PGR: variants seen among roughly 807,000 people sequenced by gnomAD.
The protein encoded by PGR is nuclear receptor subfamily 3 group C member 3.
Under a neutral mutation model 76.1 loss-of-function variants are expected in PGR, and 25 were observed. The observed-to-expected ratio is 0.33, with a 90% CI of 0.24 to 0.46. PGR has a LOEUF of 0.46. Ranked by LOEUF, PGR falls within the 20% of genes least tolerant of loss-of-function variation. The pLI, the probability that PGR is intolerant of heterozygous loss-of-function variation, is 1.00. For missense variants in PGR, 1,172 were observed against 1,225.3 expected (o/e 0.96, Z 0.65); for synonymous variants, 579 against 535.0 (o/e 1.08, Z -1.14).
chr11:101,085,161 T>C (rs1402644812), intron 3 of PGR, among the ~76,000 whole-genome samples: 1 of 152,142 alleles, frequency 6.6e-6, no homozygotes, highest in African/African-American at 2.4e-5. Context: ...ACAGAACATA[T>C]ACTCCAAGAT....
At chr11:101,060,903 C>T (rs1273932164) in intron 4 of PGR, among the ~76,000 whole-genome samples, 2 of 152,102 alleles carry the variant, frequency 1.3e-5, no homozygotes, top group Non-Finnish European at 2.9e-5. Context: ...TGATAGATAA[C>T]GGTTTCCGGT....
Position 101,091,808 on chromosome 11 carries a change from G to T in PGR, c.1858C>A (p.Pro620Thr). The T allele has an allele frequency of 6.2e-7, 1 of 1,611,164 alleles. No individual in the cohort carries two copies. The highest frequency in any genetic ancestry group is 8.5e-7 in the Non-Finnish European group (1 of 1,177,414). Residue 620 changes from proline (P) to threonine (T), a missense_variant, in exon 3 of 8, where the codon CCA becomes ACA. Transcript: ENST00000325455. ...CAGCACTTTCTAAGGCGACATGCTG[G>T]GCAGTTTTTTCTGCGGATTTTATCA... ...IVDKIRRKNCPACRLRKCCQA... is the reference protein window; with the variant it reads ...IVDKIRRKNCTACRLRKCCQA...
chr11:101,044,175 T>C (rs1859785585), intron 6 of PGR, among the ~76,000 whole-genome samples: 1 of 152,232 alleles, frequency 6.6e-6, no homozygotes, highest in African/African-American at 2.4e-5. Context: ...GCTACTTTCA[T>C]AAGTAGCGAT....
Position 101,129,060 on chromosome 11 carries a change from A to C in PGR, c.11T>G (p.Leu4Arg). The change falls in exon 1 of 8, where the codon CTG becomes CGG. Residue 4 changes from leucine (L) to arginine (R), a missense_variant. This residue lies in a region of PGR where 893 missense variants were observed against 785.9 expected (regional missense o/e 1.14). Coordinates refer to ENST00000325455, the MANE Select transcript of PGR (RefSeq NM_000926.4). ...GGGAGCCCGGGGACCCTTTGCCTTCAGCTCAGTCATGACGACTGGACTCCC... is the reference window on the plus strand; with the variant it reads ...GGGAGCCCGGGGACCCTTTGCCTTCCGCTCAGTCATGACGACTGGACTCCC... MTE[L>R]KAKGPRAPHV... The C allele has an allele frequency of 6.4e-7, 1 of 1,550,926 alleles. No homozygotes were observed. The highest frequency in any genetic ancestry group is 8.7e-7 in the Non-Finnish European group (1 of 1,147,892).
At chr11:101,111,460 A>G (rs374691034) in intron 2 of PGR, among the ~76,000 whole-genome samples, 2 of 152,148 alleles carry the variant, frequency 1.3e-5, no homozygotes, top group African/African-American at 4.8e-5. Flanking sequence ...CATTGCTTCT[A>G]GAGTTAATGT....
At position 101,128,659 on chromosome 11, in the gene PGR, T is replaced by C. The variant is rs764069958; in HGVS notation, c.412A>G (p.Ser138Gly). The change falls in exon 1 of 8, where the codon AGC becomes GGC. Residue 138 changes from serine (S) to glycine (G), a missense_variant. Around this residue, in one of 4 missense-constraint regions of PGR, gnomAD observed 893 missense variants for 785.9 expected, o/e 1.14. Transcript: ENST00000325455. ...TCGGGGCCAAACAGGCACCAAGAGC[T>C]GGTGACCTCGCAGGCGGGAGGGCTG... Reference protein sequence around the residue: ...QPSPPACEVTSSWCLFGPELP... With the variant: ...QPSPPACEVTGSWCLFGPELP... 2 of 1,594,702 alleles carry C rather than the reference T, an allele frequency of 1.3e-6. No homozygotes were observed. Among genetic ancestry groups the C allele is most frequent in the South Asian group, 2.3e-5 (2 of 88,664 alleles).
At chr11:101,094,533 G>C (rs1351379568) in intron 2 of PGR, among the ~76,000 whole-genome samples, 3 of 152,020 alleles carry the variant, frequency 2.0e-5, no homozygotes, top group African/African-American at 7.3e-5. Context: ...ACACTTTGTG[G>C]GTAGTCTGTC....
chr11:101,079,181 C>T (rs1020333451), intron 3 of PGR, among the ~76,000 whole-genome samples: 17 of 152,070 alleles, frequency 1.1e-4, no homozygotes, highest in African/African-American at 3.4e-4. Flanking sequence ...AAAACTACTA[C>T]AAGAAAACTT....
chr11:101,107,365 G>C (rs1862198591), intron 2 of PGR, among the ~76,000 whole-genome samples: 1 of 151,824 alleles, frequency 6.6e-6, no homozygotes, highest in Non-Finnish European at 1.5e-5. Flanking sequence ...AATCTCTCTG[G>C]AACTCTTCCA....
Position 101,031,232 on chromosome 11 carries a change from C to A in PGR, c.*7884G>T, listed in dbSNP as rs1433513939. On this transcript the variant is annotated 3_prime_UTR_variant, in exon 8 of 8. Transcript: ENST00000325455. The stretch of plus-strand genomic sequence containing the variant: ...CTGAAGCTGAAAGAATAGATAAATT[C>A]ACAAGCCAAAGACTTAAATATGAGA... 9.0e-6 allele frequency: 2 copies of A among 221,874 alleles called. No individual in the cohort carries two copies. The highest frequency in any genetic ancestry group is 1.8e-5 in the Non-Finnish European group (2 of 110,980). The allele number at this position is 221,874 out of a possible 1,614,324, so 13.7% of individuals were successfully genotyped here.
chr11:101,105,396 C>T (rs562970089), intron 2 of PGR, among the ~76,000 whole-genome samples: 1 of 151,782 alleles, frequency 6.6e-6, no homozygotes, highest in Non-Finnish European at 1.5e-5. Context: ...GTGGCTTAAA[C>T]CAAAGTGGTC....
At position 101,036,766 on chromosome 11, in the gene PGR, T is replaced by C. The variant is rs1430417933; in HGVS notation, c.*2350A>G. ...AAAAGCCAAACCTGTGGCCACCACA[T>C]TCTATTCCCTCATAGTTGAGTGAAA... On this transcript the variant is annotated 3_prime_UTR_variant, in exon 8 of 8. Transcript: ENST00000325455. 2 of 198,270 alleles carry C rather than the reference T, an allele frequency of 1.0e-5. No individual in the cohort carries two copies. Among genetic ancestry groups the C allele is most frequent in the Non-Finnish European group, 1.0e-5 (1 of 95,626 alleles). The allele number at this position is 198,270 out of a possible 1,614,324, so 12.3% of individuals were successfully genotyped here. A position where few individuals can be genotyped will look rare whatever the true frequency, so the allele number is the denominator to read the frequency against.
chr11:101,121,563 A>T (rs1862677261), intron 2 of PGR, among the ~76,000 whole-genome samples: 1 of 152,218 alleles, frequency 6.6e-6, no homozygotes, highest in Non-Finnish European at 1.5e-5. Context: ...TCTGCAGTCT[A>T]TTTATTGTGA....
chr11:101,091,664 A>G (rs1407832387), intron 3 of PGR, 96 bp downstream of exon 3: 14 of 776,330 alleles, frequency 1.8e-5, no homozygotes, highest in Admixed American at 1.6e-4. Context: ...CAGAAAAAAC[A>G]AAAACAAAGA....
chr11:101,078,724 C>T (rs190522771), intron 3 of PGR, among the ~76,000 whole-genome samples: 1 of 152,234 alleles, frequency 6.6e-6, no homozygotes, highest in Non-Finnish European at 1.5e-5. Flanking sequence ...GCCACGGAAG[C>T]AGATAAGAAC....
Position 101,033,577 on chromosome 11 carries a change from T to G in PGR, c.*5539A>C, listed in dbSNP as rs900607038. The G allele has an allele frequency of 5.1e-6, 1 of 195,678 alleles. No homozygotes were observed. The highest frequency in any genetic ancestry group is 1.1e-5 in the Non-Finnish European group (1 of 94,110). The allele number at this position is 195,678 out of a possible 1,614,324, so 12.1% of individuals were successfully genotyped here. A position where few individuals can be genotyped will look rare whatever the true frequency, so the allele number is the denominator to read the frequency against. On this transcript the variant is annotated 3_prime_UTR_variant, in exon 8 of 8. Coordinates refer to ENST00000325455, the MANE Select transcript of PGR (RefSeq NM_000926.4). Reference sequence around the variant, plus strand: ...TGGATATAATTGTTATTCATGCTGCTCAGCAGCTTTCATTGATATGTCTTT... The same window carrying G: ...TGGATATAATTGTTATTCATGCTGCGCAGCAGCTTTCATTGATATGTCTTT...
intron 3 of PGR, 71 bp downstream of exon 3, chr11:101,091,689 C>T (rs752868935): frequency 5.3e-5 from 46 of 864,456 alleles, no homozygotes; most frequent in Non-Finnish European, 8.7e-5. Flanking sequence ...TAAGAAATTG[C>T]AATTTTCTGA....
chr11:101,123,089 G>C (rs1862729964), intron 2 of PGR, among the ~76,000 whole-genome samples: 3 of 152,122 alleles, frequency 2.0e-5, no homozygotes, highest in Admixed American at 2.0e-4. Context: ...ACCTGGATTT[G>C]AATCCTGACT....
At chr11:101,055,969 T>C (rs1270896920) in intron 4 of PGR, among the ~76,000 whole-genome samples, 1 of 152,182 alleles carries the variant, frequency 6.6e-6, no homozygotes, top group African/African-American at 2.4e-5. Context: ...ATAACCTTTA[T>C]TTACTCCACC....
Sources: gnomAD v4.1 joint callset for allele counts (sites outside exome capture counted in the v4.1 genomes callset) on GRCh38, gnomAD v4.1.1 for gene constraint, gnomAD v4.1.1 regional missense constraint, MANE v1.5 for transcripts, NCBI Gene and HGNC (gene_info 2026-07-23, HGNC 2026-07-21) for gene names.